SHANK2: variants seen among roughly 807,000 people sequenced by gnomAD.
SHANK2 encodes the protein SH3 and multiple ankyrin repeat domains protein 2.
Under a neutral mutation model 133.7 loss-of-function variants are expected in SHANK2, and 43 were observed. That is an observed-to-expected ratio of 0.32 (90% CI 0.25 to 0.41). The LOEUF is 0.41. Ranked by LOEUF, SHANK2 falls within the 10% of genes least tolerant of loss-of-function variation. SHANK2 has a pLI of 1.00. For synonymous variants in SHANK2, 1,017 were observed against 952.8 expected, an observed-to-expected ratio of 1.07 and a Z score of -1.24; for missense variants, 1,994 against 2,235.8, an observed-to-expected ratio of 0.89 and a Z score of 2.18.
At chr11:70,560,038 A>G (rs1554980494) in intron 17 of SHANK2, among the ~76,000 whole-genome samples, 1 of 151,886 alleles carries the variant, frequency 6.6e-6, no homozygotes, top group East Asian at 1.9e-4. Flanking sequence ...CGCCAAGCTA[A>G]TTTTTGGATT....
intron 15 of SHANK2, among the ~76,000 whole-genome samples, chr11:70,675,522 C>A (rs1316716444): frequency 2.6e-5 from 4 of 152,168 alleles, no homozygotes; most frequent in Non-Finnish European, 4.4e-5. Flanking sequence ...TGATTCCTGG[C>A]CAGGTGGGGG....
chr11:70,749,069 G>C (rs1946704192), intron 14 of SHANK2, among the ~76,000 whole-genome samples: 1 of 152,212 alleles, frequency 6.6e-6, no homozygotes, highest in Non-Finnish European at 1.5e-5. Flanking sequence ...GTGTTAGTTT[G>C]CATTTCATGG....
rs144998457 is a variant in SHANK2 at position 70,878,610 on chromosome 11, G to A, written c.1174+17891C>T. Among the ~76,000 whole-genome samples, 3 of 152,276 alleles carry A rather than the reference G, an allele frequency of 2.0e-5. No individual in the cohort carries two copies. In the East Asian group the frequency reaches 5.8e-4, roughly 30 times the overall value. ...GGGCACCACCATGACGGCCTTCCTCGGGGGTGGTCTTGGACAGGGGACTGG... is the reference window on the plus strand; with the variant it reads ...GGGCACCACCATGACGGCCTTCCTCAGGGGTGGTCTTGGACAGGGGACTGG... On this transcript the variant is annotated intron_variant, in intron 11 of 25. Coordinates refer to ENST00000601538, the MANE Select transcript of SHANK2 (RefSeq NM_012309.5).
intron 2 of SHANK2, among the ~76,000 whole-genome samples, chr11:71,163,734 C>A (rs1336514768): frequency 1.3e-5 from 2 of 152,182 alleles, no homozygotes; most frequent in South Asian, 4.1e-4. Context: ...GAAACTGCCC[C>A]AAAAGATTGC....
chr11:70,686,292 ATCCT>A (rs1257334167), intron 15 of SHANK2, among the ~76,000 whole-genome samples: 1 of 101,222 alleles, frequency 9.9e-6, no homozygotes, highest in African/African-American at 4.0e-5. Context: ...CCAGCCATCC[ATCCT>A]TCCTTCCATC....
chr11:70,811,637 T>C (rs1312444202), intron 12 of SHANK2, among the ~76,000 whole-genome samples: 1 of 147,518 alleles, frequency 6.8e-6, no homozygotes, highest in African/African-American at 2.5e-5. Flanking sequence ...ATCCATCCAC[T>C]CATCCATCCA....
intron 14 of SHANK2, among the ~76,000 whole-genome samples, chr11:70,729,603 C>G (rs1470599355): frequency 6.6e-6 from 1 of 151,190 alleles, no homozygotes; most frequent in Non-Finnish European, 1.5e-5. Context: ...CGGCTCACTG[C>G]AAGCTCCGCC....
intron 15 of SHANK2, among the ~76,000 whole-genome samples, chr11:70,693,676 C>A (rs539738423): frequency 2.6e-5 from 4 of 152,158 alleles, no homozygotes; most frequent in Non-Finnish European, 5.9e-5. Context: ...TTGTTTATAT[C>A]CTCAGCTCCC....
chr11:70,731,782 C>G (rs1461335570), intron 14 of SHANK2, among the ~76,000 whole-genome samples: 1 of 152,190 alleles, frequency 6.6e-6, no homozygotes, highest in African/African-American at 2.4e-5. Flanking sequence ...CTTGAGCCCT[C>G]AAAACCAGAT....
At chr11:71,214,173 C>T (rs936222245) in intron 2 of SHANK2, among the ~76,000 whole-genome samples, 5 of 152,178 alleles carry the variant, frequency 3.3e-5, no homozygotes, top group South Asian at 2.1e-4. Context: ...CTGGGGCTTC[C>T]CCTGTGGCCC....
At chr11:70,889,732 G>A (rs1349257202) in intron 11 of SHANK2, among the ~76,000 whole-genome samples, 1 of 152,236 alleles carries the variant, frequency 6.6e-6, no homozygotes, top group Non-Finnish European at 1.5e-5. Context: ...GGGGGCCTCA[G>A]TGGGTAGGAG....
chr11:70,682,050 A>C (rs1299890849), intron 15 of SHANK2, among the ~76,000 whole-genome samples: 2 of 150,644 alleles, frequency 1.3e-5, no homozygotes, highest in African/African-American at 4.9e-5. Flanking sequence ...CCTGGAGAAG[A>C]GTATAAGGCA....
At chr11:70,476,248 TA>T (rs1326790925) in intron 25 of SHANK2, among the ~76,000 whole-genome samples, 4 of 151,216 alleles carry the variant, frequency 2.6e-5, no homozygotes, top group African/African-American at 7.3e-5. Flanking sequence ...ACAACAACAA[TA>T]AAAAAACCCC....
rs1239408459 is a variant in SHANK2, at chr11:71,113,378, C to T, written c.412-14G>A. On this transcript the variant is annotated splice_polypyrimidine_tract_variant and intron_variant, in intron 4 of 25. Transcript: ENST00000601538. Reference sequence around the variant, plus strand: ...CTTGTATCGAAACTGGCACAGAAAACAAAAAAGAGAGAGAAAACAAGTCAA... The same window carrying T: ...CTTGTATCGAAACTGGCACAGAAAATAAAAAAGAGAGAGAAAACAAGTCAA... 4.5e-6 allele frequency: 7 copies of T among 1,549,798 alleles called. No homozygotes were observed. In the African/African-American group the frequency reaches 9.6e-5, roughly 21 times the overall value.
intron 2 of SHANK2, among the ~76,000 whole-genome samples, chr11:71,186,045 A>G (rs2135561810): frequency 6.6e-6 from 1 of 152,212 alleles, no homozygotes; most frequent in African/African-American, 2.4e-5. Flanking sequence ...TTTCTGAGTC[A>G]TCCATGGCTC....
chr11:70,531,101 T>C (rs1441881456), intron 17 of SHANK2, among the ~76,000 whole-genome samples: 2 of 123,126 alleles, frequency 1.6e-5, no homozygotes, highest in Non-Finnish European at 3.1e-5. Flanking sequence ...GAGGTTGCAA[T>C]GAGCCAAGAT....
chr11:70,756,721 C>T (rs1212336007), intron 14 of SHANK2, among the ~76,000 whole-genome samples: 1 of 152,154 alleles, frequency 6.6e-6, no homozygotes, highest in Non-Finnish European at 1.5e-5. Flanking sequence ...ACCAGGCAGC[C>T]CCACACCCCT....
At chr11:71,063,907 C>T (rs1379718354) in intron 9 of SHANK2, among the ~76,000 whole-genome samples, 3 of 152,148 alleles carry the variant, frequency 2.0e-5, no homozygotes, top group African/African-American at 7.2e-5. Context: ...GCTGAGAACA[C>T]AGTGTGCCTG....
chr11:71,244,529 T>TA (rs1238447616), intron 1 of SHANK2, among the ~76,000 whole-genome samples: 2 of 152,168 alleles, frequency 1.3e-5, no homozygotes, highest in Non-Finnish European at 2.9e-5. Context: ...AACACTGAGA[T>TA]GGGAGCTGCT....
Sources: allele counts gnomAD v4.1 joint callset (sites outside exome capture counted in the v4.1 genomes callset), GRCh38; gene constraint gnomAD v4.1.1; transcripts MANE v1.5; gene names NCBI Gene and HGNC (gene_info 2026-07-23, HGNC 2026-07-21).